PRKN: variants seen among roughly 807,000 people sequenced by gnomAD.
The protein encoded by PRKN is parkin RBR E3 ubiquitin protein ligase, also known as E3 ubiquitin-protein ligase parkin.
PRKN carries 56 observed loss-of-function variants against 59.5 expected under a neutral mutation model. That is an observed-to-expected ratio of 0.94 (90% confidence interval 0.76 to 1.18). The LOEUF (loss-of-function observed/expected upper bound fraction) is 1.18. PRKN is among the 50% of genes most tolerant of loss of function. The probability of loss-of-function intolerance (pLI) is 0.00; values close to 1 mark genes in which losing one functional copy is unlikely to be tolerated. For synonymous variants in PRKN, 250 were observed against 222.1 expected (o/e 1.13, Z -1.12); for missense variants, 657 against 596.4 (o/e 1.10, Z -1.06).
intron 4 of PRKN, among the ~76,000 whole-genome samples, chr6:162,115,303 C>G (rs1450943309): frequency 2.8e-5 from 4 of 142,716 alleles, no homozygotes; most frequent in Non-Finnish European, 6.0e-5. Flanking sequence ...AATGAGAACA[C>G]ATGGACACAG....
chr6:162,684,505 C>T (rs1234454859), intron 1 of PRKN, among the ~76,000 whole-genome samples: 1 of 152,034 alleles, frequency 6.6e-6, no homozygotes, highest in East Asian at 1.9e-4. Context: ...TGAATGACAA[C>T]CTTTACAATG....
At chr6:161,539,002 A>G (rs1389337323) in intron 9 of PRKN, among the ~76,000 whole-genome samples, 1 of 152,180 alleles carries the variant, frequency 6.6e-6, no homozygotes, top group Non-Finnish European at 1.5e-5. Flanking sequence ...CTGCTTCTTC[A>G]TCATGCCATG....
chr6:162,275,587 C>A (rs1189240974), intron 2 of PRKN, among the ~76,000 whole-genome samples: 1 of 152,076 alleles, frequency 6.6e-6, no homozygotes. Context: ...GAGTTTGAGA[C>A]CCACCTGGCC....
chr6:161,351,181 A>G (rs1784538092), intron 11 of PRKN, among the ~76,000 whole-genome samples: 1 of 137,392 alleles, frequency 7.3e-6, no homozygotes, highest in Non-Finnish European at 1.5e-5. Context: ...AAATATATTG[A>G]TAAAATTTGA....
intron 3 of PRKN, among the ~76,000 whole-genome samples, chr6:162,216,536 CAAAAAAAAA>C (rs35025497): frequency 8.6e-4 from 30 of 34,972 alleles, no homozygotes; most frequent in Non-Finnish European, 1.7e-3. Flanking sequence ...GACTCCGTCT[CAAAAAAAAA>C]AAAAAAAAAA....
chr6:162,250,549 T>C (rs1056628134), intron 3 of PRKN, among the ~76,000 whole-genome samples: 1 of 152,248 alleles, frequency 6.6e-6, no homozygotes, highest in African/African-American at 2.4e-5. Flanking sequence ...AACTAGCTGG[T>C]TGTCCCACTT....
intron 1 of PRKN, among the ~76,000 whole-genome samples, chr6:162,545,067 G>A (rs1779065129): frequency 6.6e-6 from 1 of 150,834 alleles, no homozygotes; most frequent in Admixed American, 6.6e-5. Flanking sequence ...TGGACGAATC[G>A]TGAGGTCAGG....
chr6:161,945,128 G>A (rs1779731458), intron 6 of PRKN, among the ~76,000 whole-genome samples: 1 of 152,008 alleles, frequency 6.6e-6, no homozygotes, highest in African/African-American at 2.4e-5. Flanking sequence ...AAAGCTGGAT[G>A]AGACGCTGAA....
chr6:161,667,509 A>T (rs569886012), intron 7 of PRKN, among the ~76,000 whole-genome samples: 10 of 152,274 alleles, frequency 6.6e-5, no homozygotes, highest in African/African-American at 2.4e-4. Context: ...TCTTCTCTAA[A>T]CTACCAGAAT....
At chr6:161,757,833 ATCTC>A (rs748787015) in intron 7 of PRKN, among the ~76,000 whole-genome samples, 1,218 of 37,600 alleles carry the variant, frequency 0.032, 45 homozygotes, top group African/African-American at 0.079. Flanking sequence ...GCAAAACTCC[ATCTC>A]TCTCTCTCTC....
intron 9 of PRKN, among the ~76,000 whole-genome samples, chr6:161,482,644 T>C (rs144525776): frequency 2.6e-5 from 4 of 152,350 alleles, no homozygotes; most frequent in Non-Finnish European, 2.9e-5. Flanking sequence ...GCTTTCTATG[T>C]TACGGCTAAT....
At chr6:162,527,917 G>A (rs551180982) in intron 1 of PRKN, among the ~76,000 whole-genome samples, 13 of 152,100 alleles carry the variant, frequency 8.5e-5, no homozygotes, top group Non-Finnish European at 1.9e-4. Context: ...GCTGGATCCA[G>A]CCTGGGCCTC....
At chr6:161,609,055 C>T (rs748951082) in intron 7 of PRKN, among the ~76,000 whole-genome samples, 16 of 152,148 alleles carry the variant, frequency 1.1e-4, no homozygotes. Flanking sequence ...CTAAGGGCAG[C>T]ATCTTCAGCA....
chr6:161,687,526 G>A (rs1021254298), intron 7 of PRKN, among the ~76,000 whole-genome samples: 2 of 149,418 alleles, frequency 1.3e-5, no homozygotes, highest in Non-Finnish European at 1.5e-5. Context: ...GCACCATCTC[G>A]GCTCACTGCA....
chr6:162,320,362 C>T, intron 2 of PRKN, among the ~76,000 whole-genome samples: 1 of 7,296 alleles, frequency 1.4e-4, no homozygotes, highest in South Asian at 4.8e-3. Context: ...TACAAAAAGC[C>T]AAAAAAAAAA....
chr6:161,478,201 C>T (rs139047187), intron 9 of PRKN, among the ~76,000 whole-genome samples: 4 of 152,318 alleles, frequency 2.6e-5, no homozygotes, highest in African/African-American at 9.6e-5. Flanking sequence ...GTAGCAGCTA[C>T]TCCTGAACAA....
At chr6:162,517,895 A>C (rs1777932034) in intron 1 of PRKN, among the ~76,000 whole-genome samples, 1 of 152,220 alleles carries the variant, frequency 6.6e-6, no homozygotes, top group Non-Finnish European at 1.5e-5. Context: ...ATACCATGAA[A>C]AAAATGTACG....
intron 6 of PRKN, among the ~76,000 whole-genome samples, chr6:161,804,865 C>A (rs760254385): frequency 6.6e-6 from 1 of 152,216 alleles, no homozygotes; most frequent in Admixed American, 6.5e-5. Flanking sequence ...CAGTACTCAA[C>A]TTTCTAAGCC....
chr6:162,386,032 AT>A (rs1254420221), intron 2 of PRKN, among the ~76,000 whole-genome samples: 2 of 152,034 alleles, frequency 1.3e-5, no homozygotes, highest in African/African-American at 4.8e-5. Flanking sequence ...TTGTATTTTG[AT>A]TTTTTTTAAA....
Sources: gnomAD v4.1 joint callset for allele counts (sites outside exome capture counted in the v4.1 genomes callset) on GRCh38, gnomAD v4.1.1 for gene constraint, MANE v1.5 for transcripts, NCBI Gene and HGNC (gene_info 2026-07-23, HGNC 2026-07-21) for gene names.